Variants in MCTP1 observed in about 807,000 individuals in gnomAD.
MCTP1 encodes the protein multiple C2 and transmembrane domain containing 1, also known as multiple C2 and transmembrane domain-containing protein 1.
Under a neutral mutation model 120.6 loss-of-function variants are expected in MCTP1, and 69 were observed. That is an observed-to-expected ratio of 0.57 (90% confidence interval 0.47 to 0.70). The LOEUF is 0.70. Ranked by LOEUF, MCTP1 falls within the 30% of genes least tolerant of loss-of-function variation. MCTP1 has a pLI of 0.00. For missense variants in MCTP1, 1,203 were observed against 1,248.8 expected, an observed-to-expected ratio of 0.96 and a Z score of 0.55; for synonymous variants, 529 against 493.1, an observed-to-expected ratio of 1.07 and a Z score of -0.96.
At chr5:95,191,201 G>C (rs959773724) in intron 1 of MCTP1, among the ~76,000 whole-genome samples, 7 of 151,930 alleles carry the variant, frequency 4.6e-5, no homozygotes, top group Admixed American at 3.9e-4. Context: ...CTCTCTTCAA[G>C]TATCTGTACA....
intron 1 of MCTP1, among the ~76,000 whole-genome samples, chr5:95,230,113 ATAAACC>A (rs1238001892): frequency 6.6e-6 from 1 of 152,046 alleles, no homozygotes. Flanking sequence ...ACAAACTCTT[ATAAACC>A]ATTTTCCATG....
At chr5:95,010,323 C>A (rs1835673786) in intron 2 of MCTP1, among the ~76,000 whole-genome samples, 1 of 152,008 alleles carries the variant, frequency 6.6e-6, no homozygotes, top group African/African-American at 2.4e-5. Context: ...ATTTCCACAC[C>A]CATAATTCCG....
chr5:95,259,736 C>T (rs1286648855), intron 1 of MCTP1, among the ~76,000 whole-genome samples: 1 of 152,150 alleles, frequency 6.6e-6, no homozygotes, highest in Non-Finnish European at 1.5e-5. Flanking sequence ...ATTCCCCTCC[C>T]CAGTAATCTG....
chr5:95,220,218 T>G (rs1753526296), intron 1 of MCTP1, among the ~76,000 whole-genome samples: 1 of 152,218 alleles, frequency 6.6e-6, no homozygotes, highest in Non-Finnish European at 1.5e-5. Context: ...ATGAGAGATT[T>G]TTTTGTGTGT....
At chr5:94,821,835 C>T (rs576787261) in intron 17 of MCTP1, among the ~76,000 whole-genome samples, 6 of 152,244 alleles carry the variant, frequency 3.9e-5, no homozygotes, top group African/African-American at 1.4e-4. Flanking sequence ...TTTCTATCTG[C>T]ATTTGATTGA....
intron 1 of MCTP1, among the ~76,000 whole-genome samples, chr5:95,159,374 T>C (rs912072672): frequency 1.3e-5 from 2 of 152,230 alleles, no homozygotes; most frequent in Non-Finnish European, 2.9e-5. Flanking sequence ...TCATTTATTC[T>C]TACATCCAAA....
chr5:94,850,486 A>G (rs1033734343), intron 17 of MCTP1, among the ~76,000 whole-genome samples: 45 of 152,192 alleles, frequency 3.0e-4, no homozygotes, highest in African/African-American at 1.1e-3. Flanking sequence ...ATGACATACA[A>G]GACAATTAGC....
At chr5:94,708,435 TAGA>T (rs1387757422) in intron 22 of MCTP1, 74 bp downstream of exon 22, 1 of 866,322 alleles carries the variant, frequency 1.2e-6, no homozygotes, top group Non-Finnish European at 1.9e-6. Context: ...CCTTTGAAAT[TAGA>T]AGGATATAAA....
intron 17 of MCTP1, among the ~76,000 whole-genome samples, chr5:94,799,918 C>T (rs537064363): frequency 1.3e-5 from 2 of 152,198 alleles, no homozygotes; most frequent in Non-Finnish European, 2.9e-5. Context: ...CACCCCCACC[C>T]GACACCAGCC....
At chr5:94,971,636 T>G (rs1415702640) in intron 2 of MCTP1, among the ~76,000 whole-genome samples, 1 of 152,194 alleles carries the variant, frequency 6.6e-6, no homozygotes, top group African/African-American at 2.4e-5. Context: ...TCAATAATGG[T>G]ATTATTTCCA....
chr5:94,728,725 C>T (rs1003216019), intron 19 of MCTP1, among the ~76,000 whole-genome samples: 13 of 152,232 alleles, frequency 8.5e-5, no homozygotes, highest in Middle Eastern at 3.4e-3. Context: ...TCTTCCCAAA[C>T]GGTAATATTT....
chr5:94,844,912 A>C (rs1791977529), intron 17 of MCTP1, among the ~76,000 whole-genome samples: 1 of 152,086 alleles, frequency 6.6e-6, no homozygotes, highest in East Asian at 1.9e-4. Context: ...GAAACCCAGT[A>C]GGCCCTCTAG....
At chr5:95,015,439 T>C (rs1321517619) in intron 2 of MCTP1, among the ~76,000 whole-genome samples, 2 of 152,118 alleles carry the variant, frequency 1.3e-5, no homozygotes, top group African/African-American at 4.8e-5. Context: ...CTCAGATAAA[T>C]GCCATTTCCT....
intron 1 of MCTP1, among the ~76,000 whole-genome samples, chr5:95,215,762 A>C (rs1752974725): frequency 1.3e-5 from 2 of 152,210 alleles, no homozygotes; most frequent in East Asian, 3.9e-4. Flanking sequence ...GAAGAACTAA[A>C]CTCTGAAATC....
chr5:94,845,893 G>C (rs549662309), intron 17 of MCTP1, among the ~76,000 whole-genome samples: 1 of 152,110 alleles, frequency 6.6e-6, no homozygotes, highest in Non-Finnish European at 1.5e-5. Context: ...AGAAGCATAT[G>C]AGAAAATGCT....
intron 19 of MCTP1, among the ~76,000 whole-genome samples, chr5:94,728,510 C>A (rs1301313582): frequency 1.3e-5 from 2 of 152,062 alleles, no homozygotes; most frequent in African/African-American, 2.4e-5. Flanking sequence ...CCTAATCAAG[C>A]CGAGGGATGT....
At chr5:95,223,787 A>T (rs942272013) in intron 1 of MCTP1, among the ~76,000 whole-genome samples, 5 of 152,206 alleles carry the variant, frequency 3.3e-5, no homozygotes, top group Non-Finnish European at 7.3e-5. Flanking sequence ...AACAGAGAGG[A>T]TTACAGTTCC....
At chr5:95,193,758 C>T (rs1750079376) in intron 1 of MCTP1, among the ~76,000 whole-genome samples, 1 of 152,274 alleles carries the variant, frequency 6.6e-6, no homozygotes, top group South Asian at 2.1e-4. Context: ...GAGTAATATA[C>T]ATATGGATAT....
intron 16 of MCTP1, among the ~76,000 whole-genome samples, chr5:94,870,142 C>G (rs1048487788): frequency 6.6e-6 from 1 of 152,128 alleles, no homozygotes; most frequent in Admixed American, 6.6e-5. Flanking sequence ...TGCATGAATA[C>G]ATATCCATTA....
Sources: allele counts gnomAD v4.1 joint callset (sites outside exome capture counted in the v4.1 genomes callset), GRCh38; gene constraint gnomAD v4.1.1; transcripts MANE v1.5; gene names NCBI Gene and HGNC (gene_info 2026-07-23, HGNC 2026-07-21).